TIAM2: variants seen among roughly 807,000 people sequenced by gnomAD.
The protein encoded by TIAM2 is TIAM Rac1 associated GEF 2, also known as rho guanine nucleotide exchange factor TIAM2.
TIAM2 carries 80 observed loss-of-function variants against 152.9 expected under a neutral mutation model. That is an observed-to-expected ratio of 0.52 (90% CI 0.44 to 0.63). The LOEUF (loss-of-function observed/expected upper bound fraction) is 0.63, where lower values mean the gene tolerates loss of function less well. Ranked by LOEUF, TIAM2 falls within the 30% of genes least tolerant of loss-of-function variation. TIAM2 has a pLI of 0.00. For missense variants in TIAM2, 1,965 were observed against 2,120.1 expected (o/e 0.93, Z 1.44); for synonymous variants, 804 against 838.0 (o/e 0.96, Z 0.70).
At chr6:155,170,926 A>G (rs963185292) in intron 9 of TIAM2, among the ~76,000 whole-genome samples, 3 of 152,232 alleles carry the variant, frequency 2.0e-5, no homozygotes, top group African/African-American at 7.2e-5. Context: ...AACTAGATTC[A>G]GATAGAATGG....
Position 155,083,053 on chromosome 6 carries a change from G to T in TIAM2, c.-208-7236G>T, listed in dbSNP as rs1051274235. On this transcript the variant is annotated intron_variant, in intron 1 of 26. Transcript: ENST00000682666. ...AGTATTGATTGACAGGGCTGGAAAA[G>T]AAGTAGAGGTGGGGCCGGGCACAGT... 1.1e-4 allele frequency among the ~76,000 whole-genome samples: 17 copies of T among 152,118 alleles called. 1 individual carries two copies. Among genetic ancestry groups the T allele is most frequent in the Admixed American group, 1.1e-3 (17 of 15,260 alleles).
At chr6:155,000,571 C>G (rs1410626012) in intron 1 of TIAM2, among the ~76,000 whole-genome samples, 3 of 149,062 alleles carry the variant, frequency 2.0e-5, no homozygotes, top group Admixed American at 6.7e-5. Context: ...CTGTTACGCT[C>G]TCAACACGAT....
chr6:155,144,405 T>A (rs1314541156), intron 5 of TIAM2, among the ~76,000 whole-genome samples: 2 of 152,254 alleles, frequency 1.3e-5, no homozygotes, highest in East Asian at 3.8e-4. Context: ...ATATTACATT[T>A]ACAAAGACAT....
intron 2 of TIAM2, among the ~76,000 whole-genome samples, chr6:155,124,540 G>C (rs1348848777): frequency 6.6e-6 from 1 of 151,398 alleles, no homozygotes; most frequent in African/African-American, 2.4e-5. Context: ...ATGTTGATCA[G>C]GCTGGTCTCG....
At chr6:155,010,413 G>A (rs979801331) in intron 1 of TIAM2, among the ~76,000 whole-genome samples, 2 of 152,128 alleles carry the variant, frequency 1.3e-5, no homozygotes, top group Non-Finnish European at 2.9e-5. Context: ...TGTGCAGCTG[G>A]TATGTGTAAT....
rs73577403 is a variant in TIAM2, at chr6:155,183,371, G to A, written c.2935G>A (p.Ala979Thr). 756 of 1,614,054 alleles carry A rather than the reference G, an allele frequency of 4.7e-4. 2 individuals are homozygous for A. The African/African-American group carries it at 9.3e-3, about 20-fold the overall frequency. ...TLIARPPDTK[A>T]TLCTSWSDSD... ...GATTGCCCGGCCTCCGGACACAAAA[G>A]CAACCCTGTGTACATCCTGGTCAGA... The change falls in exon 14 of 27, where the codon GCA becomes ACA. Residue 979 changes from alanine (A) to threonine (T), a missense_variant. Coordinates refer to ENST00000682666, the MANE Select transcript of TIAM2 (RefSeq NM_012454.4).
At chr6:155,196,644 T>A (rs1168064904) in intron 14 of TIAM2, among the ~76,000 whole-genome samples, 1 of 152,204 alleles carries the variant, frequency 6.6e-6, no homozygotes, top group Non-Finnish European at 1.5e-5. Flanking sequence ...GGAGGAACTT[T>A]GAGTGACACA....
intron 1 of TIAM2, among the ~76,000 whole-genome samples, chr6:155,019,589 T>G (rs1038571757): frequency 1.2e-4 from 19 of 152,222 alleles, no homozygotes; most frequent in Non-Finnish European, 2.2e-4. Flanking sequence ...TGGTTCCTTT[T>G]CTCCCCAAAT....
At chr6:155,028,553 TAA>T (rs1776690213) in intron 1 of TIAM2, among the ~76,000 whole-genome samples, 1 of 137,442 alleles carries the variant, frequency 7.3e-6, no homozygotes, top group East Asian at 2.1e-4. Flanking sequence ...ATACTACATA[TAA>T]TATATATATA....
intron 1 of TIAM2, among the ~76,000 whole-genome samples, chr6:155,089,867 C>G (rs1271248195): frequency 6.6e-6 from 1 of 152,196 alleles, no homozygotes; most frequent in East Asian, 1.9e-4. Context: ...CGCTTTATTT[C>G]TAGCATCTGG....
chr6:155,249,515 G>C (rs1467596978), intron 20 of TIAM2, among the ~76,000 whole-genome samples: 3 of 152,200 alleles, frequency 2.0e-5, no homozygotes, highest in Non-Finnish European at 4.4e-5. Flanking sequence ...TTGAGTTATT[G>C]CGGGCACTAA....
chr6:155,139,384 TCA>T (rs550479218), intron 5 of TIAM2, among the ~76,000 whole-genome samples: 83 of 152,300 alleles, frequency 5.4e-4, no homozygotes, highest in African/African-American at 1.9e-3. Flanking sequence ...CCAGCATTCC[TCA>T]CACGCTGCAG....
chr6:155,240,832 C>G lies in TIAM2; in HGVS notation c.3348+123C>G, dbSNP rs557857669. 2.8e-5 allele frequency: 27 copies of G among 971,106 alleles called. No individual in the cohort carries two copies. In the Admixed American group the frequency reaches 4.6e-4, roughly 16 times the overall value. The allele number at this position is 971,106 out of a possible 1,614,324, so 60.2% of individuals were successfully genotyped here. On this transcript the variant is annotated intron_variant, in intron 16 of 26. Transcript: ENST00000682666. ...GCCACTCCCCAGGGGGGGACACCTGCTCCTTGAATCAGTGAATTGCTCAAG... is the reference window on the plus strand; with the variant it reads ...GCCACTCCCCAGGGGGGGACACCTGGTCCTTGAATCAGTGAATTGCTCAAG...
intron 26 of TIAM2, chr6:155,255,311 G>A (rs3926833): frequency 0.44 from 66,819 of 151,970 alleles, 15,089 homozygotes; most frequent in Middle Eastern, 0.54. Flanking sequence ...TTAATCGATA[G>A]GGCACCAAGT....
rs1360289711 is a variant in TIAM2, at chr6:155,025,798, C to T, written c.-209+30306C>T. ...ATTTTTTCATACCCATACATAAAAA[C>T]ACATGTGAGCACCTCCCCCTCAAAC... On this transcript the variant is annotated intron_variant, in intron 1 of 26. Coordinates refer to ENST00000682666, the MANE Select transcript of TIAM2 (RefSeq NM_012454.4). Among the ~76,000 whole-genome samples the T allele has an allele frequency of 2.7e-5, 4 of 149,552 alleles. No homozygotes were observed. The East Asian group carries it at 7.9e-4, about 29-fold the overall frequency.
chr6:155,112,374 C>T (rs9480057), intron 2 of TIAM2, among the ~76,000 whole-genome samples: 5,780 of 152,142 alleles, frequency 0.038, 151 homozygotes, highest in Non-Finnish European at 0.057. Context: ...ATCTGCCCGC[C>T]TCAGCCTCCC....
chr6:155,188,380 A>G (rs1264571854), intron 14 of TIAM2, among the ~76,000 whole-genome samples: 1 of 152,200 alleles, frequency 6.6e-6, no homozygotes, highest in Non-Finnish European at 1.5e-5. Flanking sequence ...AGAATCGTTG[A>G]GGGTTCAGTA....
At chr6:155,169,887 C>T (rs372001372) in intron 9 of TIAM2, among the ~76,000 whole-genome samples, 13 of 151,890 alleles carry the variant, frequency 8.6e-5, no homozygotes, top group East Asian at 7.7e-4. Flanking sequence ...GGCGTGATCT[C>T]GGCTCACTGA....
Position 155,186,183 on chromosome 6 carries a change from G to T in TIAM2, c.3064+2683G>T, listed in dbSNP as rs1178926260. On this transcript the variant is annotated intron_variant, in intron 14 of 26. Transcript: ENST00000682666. This position sits in a 1 kb window ranked among gnomAD's most constrained non-coding sequence, Gnocchi z 4.5. The stretch of plus-strand genomic sequence containing the variant: ...TGGAAACTCTGAGAGATGGCAGGGT[G>T]ACAAGCATACAGGTTTTGAGTCAGA... 6.6e-6 allele frequency among the ~76,000 whole-genome samples: 1 copy of T among 152,228 alleles called. No homozygotes were observed. Among genetic ancestry groups the T allele is most frequent in the Non-Finnish European group, 1.5e-5 (1 of 68,042 alleles).
Sources: allele counts gnomAD v4.1 joint callset (sites outside exome capture counted in the v4.1 genomes callset), GRCh38; gene constraint gnomAD v4.1.1; non-coding constraint Gnocchi (gnomAD v3.1); transcripts MANE v1.5; gene names NCBI Gene and HGNC (gene_info 2026-07-23, HGNC 2026-07-21).